FANCB: variants seen among roughly 807,000 people sequenced by gnomAD.
The protein encoded by FANCB is FA complementation group B.
Under a neutral mutation model 38.9 loss-of-function variants are expected in FANCB, and 5 were observed. The ratio of observed to expected loss-of-function variants is 0.13; its 90% CI spans 0.07 to 0.27. The LOEUF (loss-of-function observed/expected upper bound fraction) is 0.27, where lower values mean the gene tolerates loss of function less well. FANCB is among the 10% of genes least tolerant of loss of function. The pLI is 1.00. For synonymous variants in FANCB, 236 were observed against 215.4 expected (o/e 1.10, Z -0.84); for missense variants, 573 against 602.7 (o/e 0.95, Z 0.52).
the FANCB span, among the ~76,000 whole-genome samples, chrX:14,830,149 C>T: frequency 8.9e-6 from 1 of 111,872 alleles, no homozygotes; most frequent in African/African-American, 3.3e-5. Flanking sequence ...TCAGAACACA[C>T]ATGTTGATCA....
chrX:14,818,866 A>C, the FANCB span, among the ~76,000 whole-genome samples: 3 of 112,205 alleles, frequency 2.7e-5, no homozygotes, highest in Non-Finnish European at 5.6e-5. Context: ...CAATTTGGGT[A>C]CTAAATTTTC....
At chrX:14,776,706 G>A in the FANCB span, among the ~76,000 whole-genome samples, 1 of 112,320 alleles carries the variant, frequency 8.9e-6, no homozygotes, top group Admixed American at 9.4e-5. Context: ...AATAAACTTG[G>A]ACAACCACTT....
At chrX:14,834,991 T>C (rs991014665), downstream of FANCB, 2 of 630,769 alleles carry the variant, frequency 3.2e-6, no homozygotes, top group African/African-American at 2.2e-5. Flanking sequence ...TGTCCACTAA[T>C]ATGCACTGGC....
chrX:14,860,677 C>A (rs1016091444), intron 3 of FANCB, among the ~76,000 whole-genome samples: 4 of 111,517 alleles, frequency 3.6e-5, no homozygotes, highest in Non-Finnish European at 7.5e-5. Flanking sequence ...GAGATGTTAC[C>A]ATTTCTATTC....
At chrX:14,798,209 C>T in the FANCB span, among the ~76,000 whole-genome samples, 1 of 108,915 alleles carries the variant, frequency 9.2e-6, no homozygotes, top group Non-Finnish European at 1.9e-5. Context: ...AATGCGGTGG[C>T]GTGATCTTGG....
At chrX:14,846,323 A>AT (rs1364310321) in intron 7 of FANCB, among the ~76,000 whole-genome samples, 1 of 111,651 alleles carries the variant, frequency 9.0e-6, no homozygotes, top group Non-Finnish European at 1.9e-5. Context: ...AACAAAACAC[A>AT]TATTTCCTAC....
chrX:14,809,996 AC>A, the FANCB span, among the ~76,000 whole-genome samples: 1 of 111,835 alleles, frequency 8.9e-6, no homozygotes, highest in Admixed American at 9.5e-5. Context: ...TTCCAGAGAA[AC>A]GATCAGACAG....
At chrX:14,854,773 A>C (rs1041334762) in intron 5 of FANCB, among the ~76,000 whole-genome samples, 4 of 111,594 alleles carry the variant, frequency 3.6e-5, no homozygotes, top group Non-Finnish European at 7.5e-5. Flanking sequence ...TCAAATCAAA[A>C]AGTAGCATTC....
At chrX:14,707,756 AG>A in the FANCB span, among the ~76,000 whole-genome samples, 1 of 58,831 alleles carries the variant, frequency 1.7e-5, no homozygotes, top group Non-Finnish European at 3.3e-5. Context: ...ACAGCAAAAA[AG>A]GTGTGTGTGT....
the FANCB span, among the ~76,000 whole-genome samples, chrX:14,692,450 G>A: frequency 2.7e-5 from 3 of 111,889 alleles, no homozygotes; most frequent in Non-Finnish European, 3.8e-5. Context: ...TGCTGCAACT[G>A]TCTATTGGTC....
the FANCB span, among the ~76,000 whole-genome samples, chrX:14,806,680 G>A: frequency 8.9e-6 from 1 of 112,012 alleles, no homozygotes; most frequent in African/African-American, 3.2e-5. Flanking sequence ...CTCAATTCCT[G>A]TAAGGCTTAA....
chrX:14,718,426 G>A, the FANCB span, among the ~76,000 whole-genome samples: 22 of 112,144 alleles, frequency 2.0e-4, no homozygotes, highest in Non-Finnish European at 3.8e-4. Context: ...TTGGCACAAC[G>A]ATGACTCAAA....
chrX:14,867,441 CAACT>C (rs200532331), intron 2 of FANCB, among the ~76,000 whole-genome samples: 1,478 of 111,077 alleles, frequency 0.013, 21 homozygotes, highest in African/African-American at 0.044. Context: ...CACCAACAAC[CAACT>C]AATTTTTGAC....
chrX:14,830,067 T>C, the FANCB span, among the ~76,000 whole-genome samples: 2 of 111,377 alleles, frequency 1.8e-5, no homozygotes, highest in African/African-American at 6.5e-5. Flanking sequence ...ACTTCAATAT[T>C]GATGTGTATC....
the FANCB span, among the ~76,000 whole-genome samples, chrX:14,757,019 G>A: frequency 2.7e-5 from 3 of 111,711 alleles, no homozygotes; most frequent in East Asian, 8.5e-4. Context: ...ACCATACTGA[G>A]GTATCTCCTC....
At chrX:14,708,956 A>G in the FANCB span, among the ~76,000 whole-genome samples, 1 of 111,707 alleles carries the variant, frequency 9.0e-6, no homozygotes, top group African/African-American at 3.3e-5. Flanking sequence ...AGAAAAAAAA[A>G]AGAGAGAGAG....
At chrX:14,824,200 GA>G in the FANCB span, among the ~76,000 whole-genome samples, 1 of 111,663 alleles carries the variant, frequency 9.0e-6, no homozygotes, top group African/African-American at 3.3e-5. Flanking sequence ...TCATAGATAA[GA>G]AATGAATCTT....
chrX:14,713,556 A>G, the FANCB span, among the ~76,000 whole-genome samples: 1 of 112,340 alleles, frequency 8.9e-6, no homozygotes, highest in Non-Finnish European at 1.9e-5. Flanking sequence ...AGAAAGCCAA[A>G]CAACTATTTT....
the FANCB span, among the ~76,000 whole-genome samples, chrX:14,764,316 CTCTGCTCATAGAG>C: frequency 9.0e-6 from 1 of 111,336 alleles, no homozygotes; most frequent in Non-Finnish European, 1.9e-5. Context: ...GAGGGCCATT[CTCTGCTCATAGAG>C]TCTGCTCATA....
Sources: allele counts gnomAD v4.1 joint callset (sites outside exome capture counted in the v4.1 genomes callset), GRCh38; gene constraint gnomAD v4.1.1; transcripts MANE v1.5; gene names NCBI Gene and HGNC (gene_info 2026-07-23, HGNC 2026-07-21).